The following PROM1 variants were observed in gnomAD, a reference collection of about 807,000 sequenced individuals.
PROM1 encodes the protein prominin-1.
A neutral mutation model predicts 116.9 loss-of-function variants in PROM1; 105 were observed. The ratio of observed to expected loss-of-function variants is 0.90; its 90% CI spans 0.77 to 1.06. PROM1 has a LOEUF of 1.06. Among genes scored for constraint, PROM1 ranks in the 50% least tolerant of loss-of-function variants. The pLI is 0.00. For synonymous variants in PROM1, 393 were observed against 387.0 expected, an observed-to-expected ratio of 1.02 and a Z score of -0.18; for missense variants, 1,122 against 1,045.2, an observed-to-expected ratio of 1.07 and a Z score of -1.01.
intron 5 of PROM1, among the ~76,000 whole-genome samples, chr4:16,025,940 A>G (rs192957224): frequency 6.6e-6 from 1 of 152,196 alleles, no homozygotes; most frequent in Non-Finnish European, 1.5e-5. Flanking sequence ...GTTTTATTTC[A>G]TCTACAGAAA....
At chr4:15,975,217 T>A (rs1343752438) in intron 26 of PROM1, among the ~76,000 whole-genome samples, 9 of 152,146 alleles carry the variant, frequency 5.9e-5, no homozygotes, top group Non-Finnish European at 1.5e-5. Context: ...CAAACAAGGC[T>A]CTTATTTTTA....
chr4:16,040,310 C>T (rs1358021725), intron 2 of PROM1, among the ~76,000 whole-genome samples: 4 of 152,128 alleles, frequency 2.6e-5, no homozygotes, highest in Admixed American at 1.3e-4. Context: ...CCCAGGGAAC[C>T]CCAATAGTTT....
intron 17 of PROM1, 76 bp from the exon 18 acceptor site, chr4:15,991,369 G>C: frequency 1.1e-6 from 1 of 941,366 alleles, no homozygotes. Flanking sequence ...GTAGGCAACA[G>C]ATTAAACATG....
chr4:15,977,101 C>G (rs945711903), intron 26 of PROM1, among the ~76,000 whole-genome samples: 3 of 152,148 alleles, frequency 2.0e-5, no homozygotes, highest in African/African-American at 4.8e-5. Flanking sequence ...CTTTTTTTCA[C>G]AACCATGGCT....
At chr4:16,069,280 A>C (rs1742273210) in intron 2 of PROM1, among the ~76,000 whole-genome samples, 1 of 152,180 alleles carries the variant, frequency 6.6e-6, no homozygotes, top group South Asian at 2.1e-4. Flanking sequence ...GGCAGAGAAT[A>C]ATTTTAGAGA....
At chr4:15,990,334 C>T (rs1198115213) in intron 18 of PROM1, among the ~76,000 whole-genome samples, 2 of 152,194 alleles carry the variant, frequency 1.3e-5, no homozygotes, top group African/African-American at 4.8e-5. Context: ...TCCTCGTCAC[C>T]ATGGCGTGCT....
chr4:15,979,113 T>C (rs1234339926), intron 26 of PROM1, among the ~76,000 whole-genome samples: 2 of 152,236 alleles, frequency 1.3e-5, no homozygotes, highest in Non-Finnish European at 2.9e-5. Context: ...AAATGCAAGG[T>C]ATGCATGCAT....
At chr4:16,014,557 T>C (rs1413446127) in intron 10 of PROM1, among the ~76,000 whole-genome samples, 1 of 152,216 alleles carries the variant, frequency 6.6e-6, no homozygotes, top group African/African-American at 2.4e-5. Context: ...AAGTGTTTAA[T>C]CCATTTATGC....
At chr4:16,016,269 C>T in intron 9 of PROM1, 29 bp from the exon 10 acceptor site, 7 of 1,522,292 alleles carry the variant, frequency 4.6e-6, no homozygotes, top group Non-Finnish European at 6.2e-6. Flanking sequence ...AAATATAAGA[C>T]AAGGTTGTTA....
chr4:16,081,834 GAAGTTTAGAAATCAGAAAGAAGTTTAGAA>G (rs1365829457), intron 1 of PROM1, among the ~76,000 whole-genome samples: 2 of 151,874 alleles, frequency 1.3e-5, no homozygotes, highest in South Asian at 2.1e-4. Flanking sequence ...AAATCAGAAG[GAAGTTTAGAAATCAGAAAGAAGTTTAGAA>G]AAGTTTAGAA....
chr4:15,980,304 A>AC, intron 24 of PROM1, 118 bp downstream of exon 24: 1 of 17,732 alleles, frequency 5.6e-5, no homozygotes, highest in Non-Finnish European at 1.0e-4. Context: ...AACTACTACT[A>AC]AAAAAAAAAA....
intron 13 of PROM1, among the ~76,000 whole-genome samples, chr4:16,005,964 A>G (rs911344320): frequency 1.1e-4 from 16 of 152,212 alleles, no homozygotes; most frequent in African/African-American, 3.6e-4. Context: ...ATGTCTTTGA[A>G]GCAGGGACAG....
intron 13 of PROM1, among the ~76,000 whole-genome samples, chr4:16,005,669 G>A (rs942497118): frequency 3.3e-5 from 5 of 152,124 alleles, no homozygotes; most frequent in African/African-American, 4.8e-5. Flanking sequence ...GAGAGAACAC[G>A]ACTCAGGTTT....
rs2149081072 is a variant in PROM1 at position 15,986,032 on chromosome 4, T to C, written c.2136A>G (p.Arg712=). The change falls in exon 21 of 28, where the codon AGA becomes AGG. Residue 712 remains arginine, a synonymous_variant. Transcript: ENST00000447510. ...LQRTGNGLLE[R]VTRILASLDF... is the part of the protein sequence containing the mutation. ...CCAGAGAAGCTAGAATCCTAGTTACTCTCTCCTGAAAGACACAGCCACAGT... is the reference window on the plus strand; with the variant it reads ...CCAGAGAAGCTAGAATCCTAGTTACCCTCTCCTGAAAGACACAGCCACAGT... 3 of 1,566,860 alleles carry C rather than the reference T, an allele frequency of 1.9e-6. No individual in the cohort carries two copies. The highest frequency in any genetic ancestry group is 1.7e-6 in the Non-Finnish European group (2 of 1,147,054).
intron 2 of PROM1, among the ~76,000 whole-genome samples, 177 bp from the exon 3 acceptor site, chr4:16,039,178 A>G (rs1734615394): frequency 6.6e-6 from 1 of 152,210 alleles, no homozygotes; most frequent in African/African-American, 2.4e-5. Flanking sequence ...GCCAGAAGCC[A>G]AGAATAGAAG....
intron 11 of PROM1, 79 bp from the exon 12 acceptor site, chr4:16,009,187 G>C: frequency 7.9e-7 from 1 of 1,261,480 alleles, no homozygotes; most frequent in Non-Finnish European, 1.1e-6. Flanking sequence ...AAACAGAAAA[G>C]CCTGAACCAC....
chr4:15,989,064 T>A (rs984865823), intron 19 of PROM1, among the ~76,000 whole-genome samples: 6 of 152,078 alleles, frequency 3.9e-5, no homozygotes, highest in Admixed American at 6.5e-5. Flanking sequence ...TTTACTGAGA[T>A]CCTCTGAGGT....
intron 12 of PROM1, among the ~76,000 whole-genome samples, chr4:16,007,757 A>C (rs906624430): frequency 1.3e-5 from 2 of 152,172 alleles, no homozygotes; most frequent in African/African-American, 4.8e-5. Flanking sequence ...TCGTTTGTGA[A>C]GCTCTGATCT....
At chr4:16,050,417 G>C (rs1214401270) in intron 2 of PROM1, among the ~76,000 whole-genome samples, 1 of 152,186 alleles carries the variant, frequency 6.6e-6, no homozygotes, top group South Asian at 2.1e-4. Context: ...GCAGTGGCAC[G>C]ATCATGGCTC....
Sources: gnomAD v4.1 joint callset for allele counts (sites outside exome capture counted in the v4.1 genomes callset) on GRCh38, gnomAD v4.1.1 for gene constraint, MANE v1.5 for transcripts, NCBI Gene and HGNC (gene_info 2026-07-23, HGNC 2026-07-21) for gene names.